The following SLC24A2 variants were observed in gnomAD, a reference collection of about 807,000 sequenced individuals.
The protein encoded by SLC24A2 is sodium/potassium/calcium exchanger 2.
A neutral mutation model predicts 62.0 loss-of-function variants in SLC24A2; 36 were observed. That is an observed-to-expected ratio of 0.58 (90% CI 0.44 to 0.77). The LOEUF is 0.77. SLC24A2 is among the 30% of genes least tolerant of loss of function. The pLI is 0.00. For missense variants in SLC24A2, 846 were observed against 817.9 expected (o/e 1.03, Z -0.42); for synonymous variants, 358 against 294.0 (o/e 1.22, Z -2.23).
chr9:19,989,192 T>C, the SLC24A2 span, among the ~76,000 whole-genome samples: 1 of 152,306 alleles, frequency 6.6e-6, no homozygotes, highest in East Asian at 1.9e-4. Flanking sequence ...AATAACTTTA[T>C]ATAAGGAGAG....
chr9:19,651,670 T>C lies in SLC24A2; in HGVS notation c.931-29371A>G, dbSNP rs143116488. Among the ~76,000 whole-genome samples the C allele has an allele frequency of 5.1e-3, 776 of 152,292 alleles. 5 individuals carry two copies. The highest frequency in any genetic ancestry group is 0.018 in the African/African-American group (738 of 41,558). On this transcript the variant is annotated intron_variant, in intron 2 of 10. Transcript: ENST00000341998. Reference sequence around the variant, plus strand: ...TAGGTCAAAAGGCAAAACAAAAACATACCGCTGCCAGAAACCCTAGAGATA... The same window carrying C: ...TAGGTCAAAAGGCAAAACAAAAACACACCGCTGCCAGAAACCCTAGAGATA...
chr9:19,676,854 C>T (rs927366456), intron 2 of SLC24A2, among the ~76,000 whole-genome samples: 3 of 151,982 alleles, frequency 2.0e-5, no homozygotes, highest in African/African-American at 7.2e-5. Context: ...ACATTTTTAA[C>T]AATAAAAAAG....
At chr9:20,303,075 T>C in the SLC24A2 span, among the ~76,000 whole-genome samples, 2 of 152,314 alleles carry the variant, frequency 1.3e-5, no homozygotes, top group Admixed American at 6.5e-5. Flanking sequence ...ATCCATCTTA[T>C]CACACTTTTA....
the SLC24A2 span, among the ~76,000 whole-genome samples, chr9:20,229,854 G>C: frequency 6.6e-6 from 1 of 151,622 alleles, no homozygotes; most frequent in Non-Finnish European, 1.5e-5. Context: ...TTTAGCATTA[G>C]GTATATGTCC....
intron 8 of SLC24A2, among the ~76,000 whole-genome samples, chr9:19,532,118 T>A (rs1833737066): frequency 6.6e-6 from 1 of 152,180 alleles, no homozygotes; most frequent in African/African-American, 2.4e-5. Context: ...GTTTCCCTGT[T>A]GTTGCCCAGG....
At chr9:19,955,825 T>C in the SLC24A2 span, among the ~76,000 whole-genome samples, 1 of 152,216 alleles carries the variant, frequency 6.6e-6, no homozygotes, top group Non-Finnish European at 1.5e-5. Context: ...ACTATAACTA[T>C]AGTTACTATC....
At chr9:19,678,046 C>T (rs151162724) in intron 2 of SLC24A2, among the ~76,000 whole-genome samples, 30 of 152,258 alleles carry the variant, frequency 2.0e-4, no homozygotes, top group African/African-American at 7.0e-4. Context: ...GCAGTAGCTT[C>T]GCAGATCTAG....
intron 2 of SLC24A2, among the ~76,000 whole-genome samples, chr9:19,718,203 C>T (rs1820916531): frequency 6.7e-6 from 1 of 150,190 alleles, no homozygotes; most frequent in Admixed American, 6.7e-5. Flanking sequence ...TGTCGAACTG[C>T]TGACCTTGTG....
the SLC24A2 span, among the ~76,000 whole-genome samples, chr9:20,186,107 G>A: frequency 6.6e-6 from 1 of 152,034 alleles, no homozygotes; most frequent in Non-Finnish European, 1.5e-5. Flanking sequence ...GGAGGGGGCC[G>A]GCCTTAAGAA....
chr9:20,209,997 C>A, the SLC24A2 span, among the ~76,000 whole-genome samples: 34 of 152,322 alleles, frequency 2.2e-4, no homozygotes, highest in Non-Finnish European at 3.5e-4. Context: ...CCTTGAAACA[C>A]TTTTTAAAAC....
In SLC24A2 at chr9:19,621,862, C is replaced by A. The variant is rs536913857; in HGVS notation, c.969+399G>T. 2.0e-5 allele frequency among the ~76,000 whole-genome samples: 3 copies of A among 151,954 alleles called. No homozygotes were observed. In the East Asian group the frequency reaches 5.8e-4, roughly 29 times the overall value. ...GCAGCATTTCTTTCTTTTGATGAGA[C>A]CAAAAGAAATTTCCAATCAAAGTAT... On this transcript the variant is annotated intron_variant, in intron 3 of 10. Transcript: ENST00000341998.
At chr9:20,136,644 A>G in the SLC24A2 span, among the ~76,000 whole-genome samples, 1 of 152,158 alleles carries the variant, frequency 6.6e-6, no homozygotes, top group Non-Finnish European at 1.5e-5. Context: ...CAACAAATTG[A>G]CCACAAATTA....
intron 7 of SLC24A2, among the ~76,000 whole-genome samples, chr9:19,571,306 A>T (rs1425874971): frequency 6.6e-6 from 1 of 152,240 alleles, no homozygotes; most frequent in African/African-American, 2.4e-5. Context: ...AAGGAGTGGC[A>T]GGCTCCTTAT....
At chr9:19,794,468 G>C in the SLC24A2 span, among the ~76,000 whole-genome samples, 1 of 152,156 alleles carries the variant, frequency 6.6e-6, no homozygotes, top group Non-Finnish European at 1.5e-5. Flanking sequence ...AAGTGTGGGA[G>C]AAGGGTGAGG....
At chr9:20,223,022 T>G in the SLC24A2 span, among the ~76,000 whole-genome samples, 1 of 151,462 alleles carries the variant, frequency 6.6e-6, no homozygotes, top group Non-Finnish European at 1.5e-5. Context: ...TAAAAAAGAG[T>G]CTATACAAAG....
At chr9:19,577,833 A>T (rs1586988413) in intron 5 of SLC24A2, among the ~76,000 whole-genome samples, 2 of 148,270 alleles carry the variant, frequency 1.3e-5, no homozygotes, top group Admixed American at 1.4e-4. Flanking sequence ...TATATATATT[A>T]TATATAGTTA....
the SLC24A2 span, among the ~76,000 whole-genome samples, chr9:20,267,868 A>G: frequency 6.6e-6 from 1 of 152,080 alleles, no homozygotes; most frequent in South Asian, 2.1e-4. Flanking sequence ...GGAGTGAATG[A>G]CTTTGAGCTT....
chr9:20,303,797 G>A, the SLC24A2 span, among the ~76,000 whole-genome samples: 1 of 152,166 alleles, frequency 6.6e-6, no homozygotes, highest in Non-Finnish European at 1.5e-5. Flanking sequence ...CTTAAGTAGG[G>A]ACAACCTAGC....
chr9:20,280,764 C>T, the SLC24A2 span, among the ~76,000 whole-genome samples: 5 of 152,020 alleles, frequency 3.3e-5, no homozygotes, highest in African/African-American at 1.2e-4. Context: ...ATGAGATCAC[C>T]CTGGATTATC....
Sources: gnomAD v4.1 joint callset for allele counts (sites outside exome capture counted in the v4.1 genomes callset) on GRCh38, gnomAD v4.1.1 for gene constraint, MANE v1.5 for transcripts, NCBI Gene and HGNC (gene_info 2026-07-23, HGNC 2026-07-21) for gene names.